CATSPER3: variants seen among roughly 807,000 people sequenced by gnomAD.
CATSPER3 encodes cation channel sperm-associated protein 3.
In CATSPER3, 23 loss-of-function variants were observed where a neutral mutation model predicts 36.6. The observed-to-expected ratio is 0.63, with a 90% CI of 0.45 to 0.89. The LOEUF is 0.89. Ranked by LOEUF, CATSPER3 falls within the 40% of genes least tolerant of loss-of-function variation. CATSPER3 has a pLI of 0.00. For missense variants in CATSPER3, 474 were observed against 503.9 expected (o/e 0.94, Z 0.57); for synonymous variants, 172 against 184.1 (o/e 0.93, Z 0.53).
rs764527132 is a variant in CATSPER3 at position 135,011,599 on chromosome 5, C to G, written c.1173C>G (p.Ser391=). The change falls in exon 8 of 8, where the codon TCC becomes TCG. Residue 391 remains serine (S), a synonymous_variant. Transcript: ENST00000282611. ...LEDLPQEKPQ[S]LEKVDEK ...ACTTGCCCCAGGAGAAGCCCCAGTCCTTGGAAAAGGTGGATGAGAAGTAGC... is the reference window on the plus strand; with the variant it reads ...ACTTGCCCCAGGAGAAGCCCCAGTCGTTGGAAAAGGTGGATGAGAAGTAGC... 1.2e-6 allele frequency: 2 copies of G among 1,613,762 alleles called. No homozygotes were observed. Among genetic ancestry groups the G allele is most frequent in the Admixed American group, 3.3e-5 (2 of 59,992 alleles).
intron 3 of CATSPER3, among the ~76,000 whole-genome samples, chr5:135,000,156 G>C (rs299367): frequency 6.6e-6 from 1 of 152,140 alleles, no homozygotes; most frequent in Non-Finnish European, 1.5e-5. Flanking sequence ...TTCTACATCT[G>C]TTGAGATAAT....
intron 2 of CATSPER3, among the ~76,000 whole-genome samples, chr5:134,984,438 C>T (rs1751785053): frequency 6.6e-6 from 1 of 152,020 alleles, no homozygotes; most frequent in Non-Finnish European, 1.5e-5. Context: ...AAACAAATCC[C>T]ATTAAAAAAT....
At chr5:134,972,544 T>C (rs779836834) in intron 2 of CATSPER3, among the ~76,000 whole-genome samples, 2 of 151,898 alleles carry the variant, frequency 1.3e-5, no homozygotes, top group Non-Finnish European at 2.9e-5. Flanking sequence ...AGATAATAGC[T>C]TAAGAGAAGT....
At chr5:134,979,233 C>T (rs1161557251) in intron 2 of CATSPER3, among the ~76,000 whole-genome samples, 1 of 151,530 alleles carries the variant, frequency 6.6e-6, no homozygotes, top group Non-Finnish European at 1.5e-5. Context: ...GCTGCTTGGG[C>T]TCAAGCAATC....
chr5:134,978,438 G>A (rs1751704829), intron 2 of CATSPER3, among the ~76,000 whole-genome samples: 1 of 151,952 alleles, frequency 6.6e-6, no homozygotes, highest in South Asian at 2.1e-4. Flanking sequence ...ATTATTATAT[G>A]TCAATTAAAA....
At chr5:134,984,516 A>C (rs1041872571) in intron 2 of CATSPER3, among the ~76,000 whole-genome samples, 1 of 152,244 alleles carries the variant, frequency 6.6e-6, no homozygotes, top group African/African-American at 2.4e-5. Context: ...ATTTGAAAAA[A>C]TGCTCCATAT....
intron 3 of CATSPER3, among the ~76,000 whole-genome samples, chr5:135,003,649 A>T (rs1752049039): frequency 6.6e-6 from 1 of 152,230 alleles, no homozygotes; most frequent in Non-Finnish European, 1.5e-5. Flanking sequence ...AGCCTCAGCA[A>T]TGGCAGGCGC....
chr5:134,989,255 A>G (rs115546647), intron 2 of CATSPER3, among the ~76,000 whole-genome samples: 6,496 of 152,276 alleles, frequency 0.043, 434 homozygotes, highest in African/African-American at 0.15. Flanking sequence ...GGAATAGTCA[A>G]TGAGCACTGG....
chr5:134,995,319 A>G lies in CATSPER3; in HGVS notation c.253-954A>G, dbSNP rs562201666. 3.3e-4 allele frequency among the ~76,000 whole-genome samples: 49 copies of G among 150,402 alleles called. 2 individuals are homozygous for G. The Middle Eastern group carries it at 0.01, about 32-fold the overall frequency. On this transcript the variant is annotated intron_variant, in intron 2 of 7. Transcript: ENST00000282611. ...CCTGGCCTCTGGTAACCACTAGTCT[A>G]CTCTCTATCTTCATGAGATCCACTT...
intron 3 of CATSPER3, among the ~76,000 whole-genome samples, chr5:134,998,813 A>AG (rs1412738566): frequency 6.6e-6 from 1 of 152,220 alleles, no homozygotes; most frequent in African/African-American, 2.4e-5. Flanking sequence ...TCTGGATATT[A>AG]GCCCTTTGTC....
At chr5:134,987,728 G>A (rs907830713) in intron 2 of CATSPER3, among the ~76,000 whole-genome samples, 8 of 152,000 alleles carry the variant, frequency 5.3e-5, no homozygotes, top group African/African-American at 1.9e-4. Flanking sequence ...TGTAGAAAAA[G>A]CATTTGATGA....
chr5:135,000,918 A>G (rs1444946405), intron 3 of CATSPER3, among the ~76,000 whole-genome samples: 3 of 151,794 alleles, frequency 2.0e-5, no homozygotes, highest in South Asian at 2.1e-4. Flanking sequence ...TTGTCTCTCT[A>G]TCTCCTTCAG....
chr5:134,989,946 G>A (rs1452301077), intron 2 of CATSPER3, among the ~76,000 whole-genome samples: 3 of 152,094 alleles, frequency 2.0e-5, no homozygotes, highest in African/African-American at 7.2e-5. Flanking sequence ...TCATTGTAGG[G>A]TTATTAACTG....
At chr5:134,997,126 A>C (rs545139103) in intron 3 of CATSPER3, among the ~76,000 whole-genome samples, 9 of 152,262 alleles carry the variant, frequency 5.9e-5, no homozygotes, top group African/African-American at 2.2e-4. Flanking sequence ...CCGTAGGTTC[A>C]CCTAGCTCTG....
intron 2 of CATSPER3, among the ~76,000 whole-genome samples, chr5:134,979,321 G>T (rs1351750013): frequency 6.6e-6 from 1 of 152,110 alleles, no homozygotes; most frequent in South Asian, 2.1e-4. Context: ...ATGTTTTGTA[G>T]AGATGGGGTC....
chr5:134,990,138 G>C (rs1580908452), intron 2 of CATSPER3, among the ~76,000 whole-genome samples: 1 of 152,154 alleles, frequency 6.6e-6, no homozygotes, highest in Non-Finnish European at 1.5e-5. Context: ...GAAAATCTGA[G>C]ACAGGTCTCA....
intron 6 of CATSPER3, 36 bp from the exon 7 acceptor site, chr5:135,010,337 C>T: frequency 6.2e-7 from 1 of 1,602,098 alleles, no homozygotes; most frequent in South Asian, 1.1e-5. Flanking sequence ...CTGTCACCTC[C>T]TCATCACTGC....
At chr5:134,974,345 C>T (rs759510503) in intron 2 of CATSPER3, among the ~76,000 whole-genome samples, 27 of 152,088 alleles carry the variant, frequency 1.8e-4, no homozygotes, top group African/African-American at 5.3e-4. Context: ...AATGGCAAGA[C>T]GACTTATTAG....
intron 3 of CATSPER3, among the ~76,000 whole-genome samples, chr5:134,996,721 T>C (rs1161049387): frequency 1.3e-5 from 2 of 152,258 alleles, no homozygotes; most frequent in Non-Finnish European, 2.9e-5. Context: ...GATGAAGAAA[T>C]TGAAGCCCAA....
Sources: gnomAD v4.1 joint callset for allele counts (sites outside exome capture counted in the v4.1 genomes callset) on GRCh38, gnomAD v4.1.1 for gene constraint, MANE v1.5 for transcripts, NCBI Gene and HGNC (gene_info 2026-07-23, HGNC 2026-07-21) for gene names.